RIGI: variants seen among roughly 807,000 people sequenced by gnomAD.
The protein encoded by RIGI is antiviral innate immune response receptor RIG-I.
At chr9:32,493,930 A>C in the RIGI span, 1 of 1,596,116 alleles carries the variant, frequency 6.3e-7, no homozygotes. Flanking sequence ...GGCTTCATAA[A>C]GTCCAGAATA....
the RIGI span, among the ~76,000 whole-genome samples, chr9:32,507,473 C>T: frequency 1.5e-3 from 234 of 152,056 alleles, 1 homozygote; most frequent in African/African-American, 4.4e-3. Flanking sequence ...TATTTCTTGA[C>T]GTTTTCTAAT....
At chr9:32,457,300 T>C in the RIGI span, 2 of 1,614,210 alleles carry the variant, frequency 1.2e-6, no homozygotes, top group Non-Finnish European at 1.7e-6. Flanking sequence ...GCTGCAGTTC[T>C]GTCGGGCACA....
At chr9:32,500,486 AATG>A in the RIGI span, among the ~76,000 whole-genome samples, 1 of 152,188 alleles carries the variant, frequency 6.6e-6, no homozygotes, top group East Asian at 1.9e-4. Context: ...TATTATTAAA[AATG>A]ATACTTCATT....
the RIGI span, among the ~76,000 whole-genome samples, chr9:32,475,311 CT>C: frequency 1.3e-5 from 2 of 152,052 alleles, no homozygotes; most frequent in Non-Finnish European, 2.9e-5. Context: ...TGTGGACCAG[CT>C]GCCTCTAAAA....
the RIGI span, among the ~76,000 whole-genome samples, chr9:32,473,361 C>T: frequency 6.8e-6 from 1 of 146,436 alleles, no homozygotes; most frequent in Non-Finnish European, 1.5e-5. Flanking sequence ...GATCTTCGCT[C>T]ACTGCAACCT....
chr9:32,516,563 G>A, the RIGI span, among the ~76,000 whole-genome samples: 16 of 152,294 alleles, frequency 1.1e-4, no homozygotes, highest in African/African-American at 3.8e-4. Context: ...TTGCTAGGAA[G>A]AACAGCCTTT....
the RIGI span, among the ~76,000 whole-genome samples, chr9:32,468,091 C>T: frequency 6.6e-6 from 1 of 152,202 alleles, no homozygotes; most frequent in Middle Eastern, 3.2e-3. Context: ...GGGATCTATT[C>T]CTATGCCTGT....
chr9:32,458,254 G>C, the RIGI span, among the ~76,000 whole-genome samples: 2 of 152,108 alleles, frequency 1.3e-5, no homozygotes, highest in African/African-American at 4.8e-5. Context: ...AGAAATATAA[G>C]GCTGCAATAG....
the RIGI span, among the ~76,000 whole-genome samples, chr9:32,482,632 G>A: frequency 3.5e-3 from 539 of 152,234 alleles, 4 homozygotes; most frequent in African/African-American, 9.6e-3. Context: ...AGCCCCAGGC[G>A]GGTGGATCAC....
chr9:32,484,031 T>C, the RIGI span, among the ~76,000 whole-genome samples: 2 of 152,242 alleles, frequency 1.3e-5, no homozygotes, highest in Admixed American at 6.5e-5. Context: ...TAGCACTAAA[T>C]GAATGAACAT....
the RIGI span, among the ~76,000 whole-genome samples, chr9:32,490,680 G>A: frequency 5.3e-5 from 8 of 152,060 alleles, no homozygotes; most frequent in African/African-American, 1.2e-4. Context: ...GCAACTTGCC[G>A]GTCTCATAAA....
the RIGI span, among the ~76,000 whole-genome samples, chr9:32,472,055 C>T: frequency 6.6e-6 from 1 of 152,020 alleles, no homozygotes; most frequent in Non-Finnish European, 1.5e-5. Flanking sequence ...AGGATGAGGG[C>T]GGGCCACCTA....
the RIGI span, among the ~76,000 whole-genome samples, chr9:32,506,670 T>G: frequency 6.6e-6 from 1 of 152,236 alleles, no homozygotes; most frequent in East Asian, 1.9e-4. Flanking sequence ...TGTTTTCCAG[T>G]AGATAAAAAT....
chr9:32,482,386 G>A, the RIGI span, among the ~76,000 whole-genome samples: 1 of 152,150 alleles, frequency 6.6e-6, no homozygotes, highest in Non-Finnish European at 1.5e-5. Flanking sequence ...GCAAGTACGT[G>A]GAGAAAGGGC....
At chr9:32,475,385 C>CA in the RIGI span, among the ~76,000 whole-genome samples, 837 of 152,196 alleles carry the variant, frequency 5.5e-3, 1 homozygote, top group Middle Eastern at 0.017. Flanking sequence ...TTGGAGGACT[C>CA]ACATCACCCC....
the RIGI span, among the ~76,000 whole-genome samples, chr9:32,472,288 G>C: frequency 6.6e-6 from 1 of 152,190 alleles, no homozygotes; most frequent in African/African-American, 2.4e-5. Context: ...ATGATAATGC[G>C]TGCAAGCATG....
the RIGI span, among the ~76,000 whole-genome samples, chr9:32,523,190 A>T: frequency 6.6e-6 from 1 of 152,298 alleles, no homozygotes; most frequent in East Asian, 1.9e-4. Context: ...AGCCTTGGCA[A>T]AACTTGTTGT....
chr9:32,508,950 C>T, the RIGI span, among the ~76,000 whole-genome samples: 57 of 152,240 alleles, frequency 3.7e-4, no homozygotes, highest in Admixed American at 2.4e-3. Flanking sequence ...CTTGAGTAGG[C>T]CCTATTCCCC....
chr9:32,479,063 A>T, the RIGI span, among the ~76,000 whole-genome samples: 1 of 152,162 alleles, frequency 6.6e-6, no homozygotes, highest in Admixed American at 6.5e-5. Flanking sequence ...TTTCATCTTT[A>T]TCTTCTAACA....
Sources: allele counts gnomAD v4.1 joint callset (sites outside exome capture counted in the v4.1 genomes callset), GRCh38; gene constraint gnomAD v4.1.1; transcripts MANE v1.5; gene names NCBI Gene and HGNC (gene_info 2026-07-23, HGNC 2026-07-21).